CEP126: variants seen among roughly 807,000 people sequenced by gnomAD.
CEP126 encodes centrosomal protein of 126 kDa.
A neutral mutation model predicts 107.8 loss-of-function variants in CEP126; 74 were observed. The observed-to-expected ratio is 0.69, with a 90% CI of 0.57 to 0.83. CEP126 has a LOEUF of 0.83. Ranked by LOEUF, CEP126 falls within the 40% of genes least tolerant of loss-of-function variation. CEP126 has a pLI of 0.00. For missense variants in CEP126, 1,237 were observed against 1,281.9 expected, an observed-to-expected ratio of 0.96 and a Z score of 0.53; for synonymous variants, 449 against 446.0, an observed-to-expected ratio of 1.01 and a Z score of -0.08.
intron 2 of CEP126, among the ~76,000 whole-genome samples, chr11:101,927,531 A>G (rs1303935640): frequency 6.6e-6 from 1 of 152,170 alleles, no homozygotes; most frequent in Non-Finnish European, 1.5e-5. Flanking sequence ...AGATCCCTCA[A>G]GTGTTGTCCT....
At chr11:101,977,460 G>A (rs555557967) in intron 6 of CEP126, among the ~76,000 whole-genome samples, 15 of 151,492 alleles carry the variant, frequency 9.9e-5, no homozygotes, top group South Asian at 8.4e-4. Flanking sequence ...GTGAAACCCC[G>A]TCTCTACTAA....
chr11:101,916,169 TG>T (rs891390573), intron 1 of CEP126: 1 of 152,270 alleles, frequency 6.6e-6, no homozygotes, highest in Non-Finnish European at 1.5e-5. Flanking sequence ...TTGGCAATGA[TG>T]GTGTTGTGTA....
rs370774279 is a variant in CEP126, at chr11:101,963,791, C to T, written c.2756C>T (p.Pro919Leu). 2.0e-5 allele frequency: 33 copies of T among 1,613,888 alleles called. No homozygotes were observed. The highest frequency in any genetic ancestry group is 1.6e-4 in the Middle Eastern group (1 of 6,082). The change falls in exon 6 of 11, where the codon CCG (proline) becomes CTG (leucine). Residue 919 changes from proline to leucine, a missense_variant. Coordinates refer to ENST00000263468, the MANE Select transcript of CEP126 (RefSeq NM_020802.4). ...QRSPVCEESY[P>L]SVTLRTAEEE... ...AGTCCTGTTTGTGAAGAAAGTTATC[C>T]GTCTGTGACTCTAAGAACTGCTGAA...
At chr11:101,971,600 A>G (rs747461610) in intron 6 of CEP126, among the ~76,000 whole-genome samples, 6 of 152,112 alleles carry the variant, frequency 3.9e-5, no homozygotes, top group Non-Finnish European at 8.8e-5. Flanking sequence ...TGCGTTGCCC[A>G]GGCTGAACTT....
chr11:101,963,090 T>C lies in CEP126; in HGVS notation c.2055T>C (p.Asp685=). The change falls in exon 6 of 11, where the codon GAT becomes GAC. Residue 685 remains aspartate, a synonymous_variant. Coordinates refer to ENST00000263468, the MANE Select transcript of CEP126 (RefSeq NM_020802.4). ...CTACTTGTGCTGTAAATTCTGCTGATACAAAGAAGTCCAGGGAGGATTCTA... is the reference window on the plus strand; with the variant it reads ...CTACTTGTGCTGTAAATTCTGCTGACACAAAGAAGTCCAGGGAGGATTCTA... ...SVSTCAVNSA[D]TKKSREDSIS... 6.2e-7 allele frequency: 1 copy of C among 1,614,144 alleles called. No homozygotes were observed. The highest frequency in any genetic ancestry group is 8.5e-7 in the Non-Finnish European group (1 of 1,180,002).
At chr11:101,951,723 T>C (rs1940815324) in intron 4 of CEP126, among the ~76,000 whole-genome samples, 1 of 152,212 alleles carries the variant, frequency 6.6e-6, no homozygotes, top group Non-Finnish European at 1.5e-5. Flanking sequence ...TCTTGCTGAT[T>C]AAGGGAATGT....
At chr11:101,954,121 G>A (rs538162874) in intron 4 of CEP126, among the ~76,000 whole-genome samples, 6 of 151,912 alleles carry the variant, frequency 3.9e-5, no homozygotes, top group Non-Finnish European at 5.9e-5. Flanking sequence ...TCCACCTCCC[G>A]GGTTCAAGCA....
chr11:101,991,375 A>G (rs932866362), intron 9 of CEP126, among the ~76,000 whole-genome samples: 3 of 152,178 alleles, frequency 2.0e-5, no homozygotes, highest in Non-Finnish European at 4.4e-5. Flanking sequence ...GTCAAAAATT[A>G]TGAGACATAC....
At chr11:101,918,937 T>C (rs985204561) in intron 1 of CEP126, among the ~76,000 whole-genome samples, 2 of 152,196 alleles carry the variant, frequency 1.3e-5, no homozygotes, top group African/African-American at 4.8e-5. Flanking sequence ...GGTTGTTCTG[T>C]TTATAATTAT....
At chr11:101,945,017 C>T (rs542107690) in intron 3 of CEP126, among the ~76,000 whole-genome samples, 11 of 152,080 alleles carry the variant, frequency 7.2e-5, no homozygotes, top group Non-Finnish European at 1.0e-4. Context: ...TTGTACTTAG[C>T]CTTAGGCTAA....
At chr11:101,935,778 T>C (rs1940568567) in intron 2 of CEP126, among the ~76,000 whole-genome samples, 1 of 152,080 alleles carries the variant, frequency 6.6e-6, no homozygotes, top group South Asian at 2.1e-4. Flanking sequence ...TTATTTATTA[T>C]AGGGGAACTA....
chr11:101,945,804 G>A (rs186006919), intron 3 of CEP126, among the ~76,000 whole-genome samples: 86 of 152,238 alleles, frequency 5.6e-4, no homozygotes, highest in African/African-American at 2.0e-3. Flanking sequence ...GTGTACCTCT[G>A]AGATCTCTGC....
At chr11:101,956,151 A>G (rs975673583) in intron 4 of CEP126, 1 of 456,468 alleles carries the variant, frequency 2.2e-6, no homozygotes, top group Non-Finnish European at 4.4e-6. Flanking sequence ...CCTGACCCTG[A>G]GTCACAGCAC....
chr11:101,941,148 T>TTTA (rs1222100671), intron 2 of CEP126, among the ~76,000 whole-genome samples: 1 of 152,186 alleles, frequency 6.6e-6, no homozygotes, highest in Admixed American at 6.5e-5. Context: ...AATACTCTAT[T>TTTA]ATGACTCTCT....
chr11:101,935,208 A>G (rs899289151), intron 2 of CEP126, among the ~76,000 whole-genome samples: 1 of 151,916 alleles, frequency 6.6e-6, no homozygotes, highest in African/African-American at 2.4e-5. Flanking sequence ...TTCTTGTTGA[A>G]TTGTAAGATA....
chr11:101,919,498 TG>T (rs57993003), intron 1 of CEP126, among the ~76,000 whole-genome samples: 4,384 of 152,172 alleles, frequency 0.029, 87 homozygotes, highest in African/African-American at 0.055. Flanking sequence ...TATTTAGCAG[TG>T]TTTTTTTTAT....
At chr11:101,963,965 ATACATAC>A in intron 6 of CEP126, 85 bp downstream of exon 6, 8 of 817,226 alleles carry the variant, frequency 9.8e-6, no homozygotes, top group Non-Finnish European at 1.4e-5. Flanking sequence ...ATGTATGGCC[ATACATAC>A]TACATAAATA....
chr11:101,947,585 C>T (rs935756919), intron 3 of CEP126, among the ~76,000 whole-genome samples: 4 of 152,070 alleles, frequency 2.6e-5, no homozygotes, highest in Admixed American at 1.3e-4. Flanking sequence ...GTAAAATATA[C>T]CTCATAGGCC....
intron 4 of CEP126, chr11:101,955,928 C>A (rs1288608660): frequency 2.2e-6 from 1 of 456,330 alleles, no homozygotes; most frequent in Non-Finnish European, 4.4e-6. Flanking sequence ...TGCCCGCCAG[C>A]CCCATATACT....
Sources: allele counts gnomAD v4.1 joint callset (sites outside exome capture counted in the v4.1 genomes callset), GRCh38; gene constraint gnomAD v4.1.1; transcripts MANE v1.5; gene names NCBI Gene and HGNC (gene_info 2026-07-23, HGNC 2026-07-21).